Variants in APBA1 observed in about 807,000 individuals in gnomAD.
APBA1 encodes amyloid beta precursor protein binding family A member 1.
A neutral mutation model predicts 86.6 loss-of-function variants in APBA1; 55 were observed. The observed-to-expected ratio is 0.64, with a 90% CI of 0.51 to 0.80. APBA1 has a LOEUF of 0.80. Among genes scored for constraint, APBA1 ranks in the 30% least tolerant of loss-of-function variants. APBA1 has a pLI of 0.00. For missense variants in APBA1, 1,090 were observed against 1,183.0 expected (o/e 0.92, Z 1.15); for synonymous variants, 511 against 493.9 (o/e 1.03, Z -0.46).
At chr9:69,670,214 C>T (rs1314164789) in intron 1 of APBA1, among the ~76,000 whole-genome samples, 1 of 151,816 alleles carries the variant, frequency 6.6e-6, no homozygotes, top group Admixed American at 6.6e-5. Flanking sequence ...GTCTATATAT[C>T]ATTAAATAAG....
chr9:69,619,488 T>C (rs1230365718), intron 1 of APBA1, among the ~76,000 whole-genome samples: 1 of 152,180 alleles, frequency 6.6e-6, no homozygotes, highest in Non-Finnish European at 1.5e-5. Context: ...AATGAATCTC[T>C]CTCCTGCTTA....
chr9:69,513,383 G>A (rs7869626), intron 2 of APBA1, among the ~76,000 whole-genome samples: 3,712 of 152,322 alleles, frequency 0.024, 153 homozygotes, highest in African/African-American at 0.083. Context: ...GTGCACTGGA[G>A]AAAGCTGAAG....
chr9:69,492,783 G>C (rs1020952575), intron 2 of APBA1, among the ~76,000 whole-genome samples: 1 of 152,016 alleles, frequency 6.6e-6, no homozygotes, highest in African/African-American at 2.4e-5. Flanking sequence ...CTGCTGATTA[G>C]GACACCTGGT....
intron 3 of APBA1, among the ~76,000 whole-genome samples, chr9:69,474,726 A>G (rs956571881): frequency 7.2e-5 from 11 of 152,196 alleles, no homozygotes; most frequent in Admixed American, 2.0e-4. Context: ...GTCATTTCAG[A>G]GAAGGTCTAT....
intron 1 of APBA1, among the ~76,000 whole-genome samples, chr9:69,665,286 T>C (rs1188691851): frequency 6.6e-6 from 1 of 152,180 alleles, no homozygotes; most frequent in African/African-American, 2.4e-5. Context: ...CTTAATGGGC[T>C]TTCTTCCCTC....
chr9:69,457,148 A>T lies in APBA1; in HGVS notation c.1516-9T>A. On this transcript the variant is annotated splice_polypyrimidine_tract_variant and intron_variant, in intron 6 of 12. Coordinates refer to ENST00000265381, the MANE Select transcript of APBA1 (RefSeq NM_001163.4). ...GATTCGCCTTCAGGAGCCTGAGAAGAAAAAATGCACCAAGAGAAAGTTTGA... is the reference window on the plus strand; with the variant it reads ...GATTCGCCTTCAGGAGCCTGAGAAGTAAAAATGCACCAAGAGAAAGTTTGA... The T allele has an allele frequency of 6.2e-7, 1 of 1,611,424 alleles. No individual in the cohort carries two copies. Among genetic ancestry groups the T allele is most frequent in the South Asian group, 1.1e-5 (1 of 91,008 alleles).
chr9:69,512,094 A>G (rs1051360023), intron 2 of APBA1, among the ~76,000 whole-genome samples: 1 of 151,704 alleles, frequency 6.6e-6, no homozygotes, highest in African/African-American at 2.4e-5. Flanking sequence ...ATAAATAAAT[A>G]AAAAGAAAAA....
intron 1 of APBA1, among the ~76,000 whole-genome samples, chr9:69,558,008 A>C (rs1407025684): frequency 6.6e-6 from 1 of 152,182 alleles, no homozygotes; most frequent in African/African-American, 2.4e-5. Flanking sequence ...CATACATGTT[A>C]GAATCTCTGA....
intron 1 of APBA1, among the ~76,000 whole-genome samples, chr9:69,640,956 G>T (rs1588407878): frequency 1.3e-5 from 1 of 78,972 alleles, no homozygotes; most frequent in Non-Finnish European, 3.5e-5. Context: ...GGGAGAAAGA[G>T]AAAGAGAGAG....
chr9:69,550,897 T>C (rs547514541), intron 1 of APBA1, among the ~76,000 whole-genome samples: 1 of 152,302 alleles, frequency 6.6e-6, no homozygotes, highest in South Asian at 2.1e-4. Context: ...CTCATGGATA[T>C]ATGTGTACAG....
At chr9:69,646,456 G>A (rs1416850743) in intron 1 of APBA1, among the ~76,000 whole-genome samples, 5 of 152,130 alleles carry the variant, frequency 3.3e-5, no homozygotes, top group African/African-American at 1.2e-4. Context: ...TTGGTCTGAT[G>A]TTCTCAGAAG....
At chr9:69,645,920 C>T (rs1279511741) in intron 1 of APBA1, among the ~76,000 whole-genome samples, 1 of 152,176 alleles carries the variant, frequency 6.6e-6, no homozygotes, top group East Asian at 1.9e-4. Flanking sequence ...CTCTGCTTAG[C>T]CAGAGTCATT....
chr9:69,485,490 GA>G (rs1174656553), intron 2 of APBA1, among the ~76,000 whole-genome samples: 4 of 152,078 alleles, frequency 2.6e-5, no homozygotes, highest in African/African-American at 9.7e-5. Context: ...AATGAAATGT[GA>G]TAGAAAAAGT....
At chr9:69,466,915 T>G (rs189829802) in intron 5 of APBA1, among the ~76,000 whole-genome samples, 1 of 152,326 alleles carries the variant, frequency 6.6e-6, no homozygotes, top group East Asian at 1.9e-4. Context: ...TTCTAACCTA[T>G]TCCAACTTGC....
At chr9:69,547,301 C>T (rs1421342608) in intron 1 of APBA1, among the ~76,000 whole-genome samples, 6 of 152,184 alleles carry the variant, frequency 3.9e-5, no homozygotes, top group Non-Finnish European at 7.3e-5. Flanking sequence ...GCTTGACTCC[C>T]ACATTTCCAA....
rs143986688 is a variant in APBA1 at position 69,647,062 on chromosome 9, A to G, written c.-70+25091T>C. ...TCACTGCCTTGTTGGGAAGTGCATC[A>G]TTGCTTAATATTCAGGAACTCCCTA... On this transcript the variant is annotated intron_variant, in intron 1 of 12. Transcript: ENST00000265381. 2.6e-3 allele frequency among the ~76,000 whole-genome samples: 403 copies of G among 152,318 alleles called. 1 individual carries two copies. The highest frequency in any genetic ancestry group is 9.1e-3 in the African/African-American group (379 of 41,562).
At chr9:69,474,529 C>G (rs72717121) in intron 3 of APBA1, among the ~76,000 whole-genome samples, 20 of 152,318 alleles carry the variant, frequency 1.3e-4, no homozygotes, top group African/African-American at 4.8e-4. Context: ...CATCAGGGCA[C>G]CTGTCCTTCT....
chr9:69,586,670 G>A (rs2133961103), intron 1 of APBA1, among the ~76,000 whole-genome samples: 1 of 152,330 alleles, frequency 6.6e-6, no homozygotes, highest in Middle Eastern at 3.4e-3. Flanking sequence ...CCTGGACTAG[G>A]AGGAACAGTT....
intron 1 of APBA1, among the ~76,000 whole-genome samples, chr9:69,662,938 A>G (rs912388281): frequency 1.2e-4 from 19 of 152,242 alleles, no homozygotes; most frequent in African/African-American, 4.6e-4. Context: ...CTACTCAAAA[A>G]TAAAGTTTCT....
Sources: allele counts gnomAD v4.1 joint callset (sites outside exome capture counted in the v4.1 genomes callset), GRCh38; gene constraint gnomAD v4.1.1; transcripts MANE v1.5; gene names NCBI Gene and HGNC (gene_info 2026-07-23, HGNC 2026-07-21).